The following PDE1C variants were observed in gnomAD, a reference collection of about 807,000 sequenced individuals.
PDE1C encodes the protein phosphodiesterase 1C, also known as dual specificity calcium/calmodulin-dependent 3',5'-cyclic nucleotide phosphodiesterase 1C.
Under a neutral mutation model 93.1 loss-of-function variants are expected in PDE1C, and 62 were observed. The observed-to-expected ratio is 0.67, with a 90% CI of 0.54 to 0.82. The LOEUF (loss-of-function observed/expected upper bound fraction) is 0.82, where lower values mean the gene tolerates loss of function less well. Ranked by LOEUF, PDE1C falls within the 40% of genes least tolerant of loss-of-function variation. The pLI is 0.00. For missense variants in PDE1C, 742 were observed against 884.6 expected (o/e 0.84, Z 2.04); for synonymous variants, 325 against 310.1 (o/e 1.05, Z -0.50).
At chr7:31,973,409 T>C (rs1011315074) in intron 2 of PDE1C, among the ~76,000 whole-genome samples, 3 of 152,112 alleles carry the variant, frequency 2.0e-5, no homozygotes, top group African/African-American at 7.2e-5. Flanking sequence ...AAACACATCA[T>C]AAGTAAAATT....
At chr7:31,640,234 C>T in the PDE1C span, among the ~76,000 whole-genome samples, 2 of 152,220 alleles carry the variant, frequency 1.3e-5, no homozygotes, top group Non-Finnish European at 2.9e-5. Flanking sequence ...TTGCATCTGG[C>T]TGGTGGGCAC....
At chr7:32,009,095 C>T (rs1289808241) in intron 2 of PDE1C, among the ~76,000 whole-genome samples, 1 of 152,160 alleles carries the variant, frequency 6.6e-6, no homozygotes, top group Admixed American at 6.5e-5. Context: ...AATCTAAAAA[C>T]ATACAAATAC....
chr7:32,384,222 T>C (rs1784585711), intron 1 of PDE1C, among the ~76,000 whole-genome samples: 1 of 152,142 alleles, frequency 6.6e-6, no homozygotes, highest in Admixed American at 6.6e-5. Context: ...GGTAAATAAA[T>C]AAACATGGTT....
intron 3 of PDE1C, among the ~76,000 whole-genome samples, chr7:32,106,298 C>T (rs901069814): frequency 6.6e-6 from 1 of 152,164 alleles, no homozygotes; most frequent in Non-Finnish European, 1.5e-5. Flanking sequence ...ACTGCCTCAG[C>T]CTCCTAAAGT....
intron 1 of PDE1C, among the ~76,000 whole-genome samples, chr7:32,260,772 C>T (rs887945953): frequency 1.3e-5 from 2 of 149,280 alleles, no homozygotes; most frequent in African/African-American, 5.0e-5. Flanking sequence ...CCCGAAAAGA[C>T]CCCCTTCTTG....
chr7:31,630,781 CAA>C, the PDE1C span, among the ~76,000 whole-genome samples: 6,839 of 151,614 alleles, frequency 0.045, 435 homozygotes, highest in African/African-American at 0.15. Flanking sequence ...AATAAAGAAT[CAA>C]AGAGATGTTA....
At chr7:31,647,701 G>A in the PDE1C span, among the ~76,000 whole-genome samples, 235 of 140,124 alleles carry the variant, frequency 1.7e-3, 2 homozygotes, top group African/African-American at 5.9e-3. Flanking sequence ...AAAAAGAAGA[G>A]GAAGAAGAAG....
chr7:31,770,430 G>T (rs1000518931), intron 17 of PDE1C, among the ~76,000 whole-genome samples: 1 of 152,130 alleles, frequency 6.6e-6, no homozygotes, highest in African/African-American at 2.4e-5. Context: ...TTTCTTGGTT[G>T]TTTGCACGTT....
chr7:31,939,250 G>T (rs1482507141), intron 2 of PDE1C, among the ~76,000 whole-genome samples: 1 of 152,128 alleles, frequency 6.6e-6, no homozygotes, highest in African/African-American at 2.4e-5. Context: ...AGGAGGAGAA[G>T]GAGGAGAAAG....
At chr7:31,839,573 T>C (rs1253702250) in intron 9 of PDE1C, among the ~76,000 whole-genome samples, 1 of 152,216 alleles carries the variant, frequency 6.6e-6, no homozygotes, top group Admixed American at 6.5e-5. Flanking sequence ...TTGTTATCCA[T>C]TTACTAGCTA....
At chr7:32,213,505 C>T (rs1806207574) in intron 1 of PDE1C, among the ~76,000 whole-genome samples, 1 of 152,198 alleles carries the variant, frequency 6.6e-6, no homozygotes, top group Non-Finnish European at 1.5e-5. Flanking sequence ...AGTGCTGTCG[C>T]CCGGCTCGTC....
At chr7:31,763,933 A>C (rs1794983457) in intron 17 of PDE1C, among the ~76,000 whole-genome samples, 1 of 150,992 alleles carries the variant, frequency 6.6e-6, no homozygotes, top group African/African-American at 2.4e-5. Flanking sequence ...TTCACAAAAG[A>C]CCAGTTATTT....
chr7:32,179,864 C>T (rs1399744828), intron 2 of PDE1C, among the ~76,000 whole-genome samples: 3 of 152,036 alleles, frequency 2.0e-5, no homozygotes, highest in Non-Finnish European at 4.4e-5. Flanking sequence ...AATTTAGAGT[C>T]CTGAGAAGCA....
chr7:32,205,435 G>A (rs910299479), intron 2 of PDE1C, among the ~76,000 whole-genome samples: 2 of 152,140 alleles, frequency 1.3e-5, no homozygotes, highest in African/African-American at 4.8e-5. Context: ...TCTGTGTCTG[G>A]CTAAAGGTTT....
chr7:32,073,417 T>C (rs1796175695), upstream of PDE1C, among the ~76,000 whole-genome samples: 1 of 152,174 alleles, frequency 6.6e-6, no homozygotes, highest in Admixed American at 6.5e-5. Context: ...AACAGAATAT[T>C]TTATTTTAAA....
At chr7:32,251,624 C>T (rs1262741984) in intron 1 of PDE1C, among the ~76,000 whole-genome samples, 1 of 152,148 alleles carries the variant, frequency 6.6e-6, no homozygotes, top group Admixed American at 6.5e-5. Flanking sequence ...CCCACCCTGC[C>T]CCCTCACACA....
At chr7:31,632,697 C>G in the PDE1C span, among the ~76,000 whole-genome samples, 1 of 152,104 alleles carries the variant, frequency 6.6e-6, no homozygotes, top group Non-Finnish European at 1.5e-5. Flanking sequence ...AAGAGCAGTC[C>G]TCCTCGTTTC....
At chr7:31,706,610 G>A in the PDE1C span, among the ~76,000 whole-genome samples, 1 of 152,260 alleles carries the variant, frequency 6.6e-6, no homozygotes, top group African/African-American at 2.4e-5. Flanking sequence ...TCCAGAGCCT[G>A]AGCTCAATAT....
At chr7:31,993,496 A>T (rs2128540950) in intron 2 of PDE1C, among the ~76,000 whole-genome samples, 1 of 152,294 alleles carries the variant, frequency 6.6e-6, no homozygotes, top group African/African-American at 2.4e-5. Context: ...CTCCTAAGTG[A>T]TCAATTAGAA....
Sources: allele counts gnomAD v4.1 joint callset (sites outside exome capture counted in the v4.1 genomes callset), GRCh38; gene constraint gnomAD v4.1.1; transcripts MANE v1.5; gene names NCBI Gene and HGNC (gene_info 2026-07-23, HGNC 2026-07-21).